The following ESRRG variants were observed in gnomAD, a reference collection of about 807,000 sequenced individuals.
ESRRG encodes estrogen-related receptor gamma.
In ESRRG, 13 loss-of-function variants were observed where a neutral mutation model predicts 44.0. That is an observed-to-expected ratio of 0.30 (90% CI 0.19 to 0.47). ESRRG has a LOEUF of 0.47. Among genes scored for constraint, ESRRG ranks in the 20% least tolerant of loss-of-function variants. The pLI, the probability that ESRRG is intolerant of heterozygous loss-of-function variation, is 1.00. For missense variants in ESRRG, 395 were observed against 580.6 expected, an observed-to-expected ratio of 0.68 and a Z score of 3.29; for synonymous variants, 215 against 214.6, an observed-to-expected ratio of 1.00 and a Z score of -0.02.
chr1:217,017,161 T>C (rs573000251), intron 1 of ESRRG, among the ~76,000 whole-genome samples: 20 of 152,288 alleles, frequency 1.3e-4, no homozygotes, highest in African/African-American at 4.8e-4. Context: ...GCTTATCCAA[T>C]GACCAGTTGT....
chr1:217,091,399 A>G (rs2092342787), upstream of ESRRG, among the ~76,000 whole-genome samples: 1 of 152,250 alleles, frequency 6.6e-6, no homozygotes, highest in Non-Finnish European at 1.5e-5. Flanking sequence ...GTTTAAAAAT[A>G]GTTTACCTAT....
intron 2 of ESRRG, among the ~76,000 whole-genome samples, chr1:216,906,114 C>T (rs1393221277): frequency 1.3e-5 from 2 of 152,206 alleles, no homozygotes; most frequent in African/African-American, 4.8e-5. Flanking sequence ...ACAGTATGTA[C>T]TAGTGATTAA....
chr1:217,067,555 T>TA (rs1253231120), intron 1 of ESRRG, among the ~76,000 whole-genome samples: 1 of 152,204 alleles, frequency 6.6e-6, no homozygotes, highest in African/African-American at 2.4e-5. Flanking sequence ...GCCAGTAACA[T>TA]ACAGTATTTT....
At chr1:217,129,821 G>T (rs930572151) in intron 1 of ESRRG, among the ~76,000 whole-genome samples, 1 of 152,110 alleles carries the variant, frequency 6.6e-6, no homozygotes, top group Non-Finnish European at 1.5e-5. Context: ...AGAATGAGGA[G>T]TGACTGTTTA....
intron 3 of ESRRG, among the ~76,000 whole-genome samples, chr1:216,621,109 A>C (rs2062162533): frequency 6.6e-6 from 1 of 152,212 alleles, no homozygotes; most frequent in African/African-American, 2.4e-5. Flanking sequence ...GTAGAAGCTT[A>C]ATGTAAGTGG....
chr1:216,822,494 A>C lies in ESRRG; in HGVS notation c.-14+117088T>G, dbSNP rs180695533. Among the ~76,000 whole-genome samples the C allele has an allele frequency of 9.2e-5, 14 of 152,298 alleles. No individual in the cohort carries two copies. In the East Asian group the frequency reaches 2.7e-3, roughly 29 times the overall value. On this transcript the variant is annotated intron_variant, in intron 2 of 7. Transcript: ENST00000359162. ...TAACAAAAATGCTCACAAATCAATA[A>C]ATTTAAAGAAGGAATCATGGCCTTA...
At chr1:217,129,621 T>A (rs1436615432) in intron 1 of ESRRG, among the ~76,000 whole-genome samples, 1 of 152,208 alleles carries the variant, frequency 6.6e-6, no homozygotes, top group Non-Finnish European at 1.5e-5. Context: ...TAAAGAGGGA[T>A]GAAGAACTGA....
chr1:216,558,863 G>GT (rs1449413668), intron 5 of ESRRG, among the ~76,000 whole-genome samples: 1 of 150,734 alleles, frequency 6.6e-6, no homozygotes, highest in African/African-American at 2.4e-5. Context: ...TTTGTTTTTT[G>GT]TTTTTTGTTT....
chr1:216,860,093 G>A (rs769340072), intron 2 of ESRRG, among the ~76,000 whole-genome samples: 22 of 151,998 alleles, frequency 1.4e-4, no homozygotes, highest in Non-Finnish European at 2.8e-4. Flanking sequence ...GTGAAACTCC[G>A]TCTCCACTAA....
intron 1 of ESRRG, among the ~76,000 whole-genome samples, chr1:217,087,393 A>G (rs1475249021): frequency 2.0e-5 from 3 of 152,256 alleles, no homozygotes; most frequent in Non-Finnish European, 4.4e-5. Context: ...TGTTGCGGTA[A>G]TAAGTGGTGC....
intron 2 of ESRRG, among the ~76,000 whole-genome samples, chr1:216,828,796 C>T (rs1456981592): frequency 3.0e-5 from 3 of 99,774 alleles, no homozygotes; most frequent in Non-Finnish European, 7.1e-5. Flanking sequence ...GATGCTAGAA[C>T]CCATATGTCC....
intron 1 of ESRRG, among the ~76,000 whole-genome samples, chr1:217,022,994 T>C (rs1172412024): frequency 6.6e-6 from 1 of 152,176 alleles, no homozygotes; most frequent in Non-Finnish European, 1.5e-5. Context: ...GATGAACACA[T>C]TTCTGAAAAC....
intron 3 of ESRRG, among the ~76,000 whole-genome samples, chr1:216,646,031 C>T (rs556853676): frequency 2.0e-5 from 3 of 152,044 alleles, no homozygotes; most frequent in Non-Finnish European, 4.4e-5. Flanking sequence ...CTTCTTCCTC[C>T]TCTTCCTTTT....
At chr1:216,949,743 G>A (rs1286288498) in intron 1 of ESRRG, among the ~76,000 whole-genome samples, 5 of 151,950 alleles carry the variant, frequency 3.3e-5, no homozygotes, top group Non-Finnish European at 5.9e-5. Flanking sequence ...AACCAAAAAT[G>A]TGTTTCATCA....
chr1:216,578,989 T>G (rs1378755064), intron 3 of ESRRG, among the ~76,000 whole-genome samples: 1 of 152,136 alleles, frequency 6.6e-6, no homozygotes, highest in Admixed American at 6.5e-5. Context: ...ATAAGAAATC[T>G]ATGTGTATAT....
At chr1:216,953,959 A>G (rs971525265) in intron 1 of ESRRG, among the ~76,000 whole-genome samples, 2 of 152,102 alleles carry the variant, frequency 1.3e-5, no homozygotes, top group African/African-American at 4.8e-5. Flanking sequence ...AAAACATTAA[A>G]AAACCTATGC....
chr1:216,689,692 A>G (rs971233519), intron 1 of ESRRG, among the ~76,000 whole-genome samples: 1 of 152,126 alleles, frequency 6.6e-6, no homozygotes, highest in Non-Finnish European at 1.5e-5. Context: ...GAAACAAACA[A>G]AAAACTTGAG....
chr1:216,572,074 T>C (rs2060909564), intron 3 of ESRRG, among the ~76,000 whole-genome samples: 1 of 152,304 alleles, frequency 6.6e-6, no homozygotes, highest in East Asian at 1.9e-4. Context: ...TATACTGCTT[T>C]TAACTCGTTT....
At chr1:216,763,200 T>G (rs2092892044) in intron 2 of ESRRG, among the ~76,000 whole-genome samples, 1 of 152,142 alleles carries the variant, frequency 6.6e-6, no homozygotes, top group Admixed American at 6.6e-5. Flanking sequence ...CTTAAATGTA[T>G]TAGATATATT....
Sources: gnomAD v4.1 joint callset for allele counts (sites outside exome capture counted in the v4.1 genomes callset) on GRCh38, gnomAD v4.1.1 for gene constraint, MANE v1.5 for transcripts, NCBI Gene and HGNC (gene_info 2026-07-23, HGNC 2026-07-21) for gene names.